The following TSN variants were observed in gnomAD, a reference collection of about 807,000 sequenced individuals.
The protein encoded by TSN is translin.
TSN carries 5 observed loss-of-function variants against 29.4 expected under a neutral mutation model. The observed-to-expected ratio is 0.17, with a 90% CI of 0.09 to 0.36. The LOEUF (loss-of-function observed/expected upper bound fraction) is 0.36. TSN is among the 10% of genes least tolerant of loss of function. The probability of loss-of-function intolerance (pLI) is 1.00; values close to 1 mark genes in which losing one functional copy is unlikely to be tolerated. For missense variants in TSN, 159 were observed against 272.8 expected (o/e 0.58, Z 2.94); for synonymous variants, 106 against 102.2 (o/e 1.04, Z -0.23).
In TSN at chr2:121,766,824, C is replaced by T. The variant is rs1275224871; in HGVS notation, c.*1457C>T. The T allele has an allele frequency of 1.3e-5, 2 of 152,204 alleles. No homozygotes were observed. The highest frequency in any genetic ancestry group is 4.8e-5 in the African/African-American group (2 of 41,460). 9.4% of individuals were successfully genotyped at this position (152,204 alleles called of 1,614,324 possible). On this transcript the variant is annotated 3_prime_UTR_variant, in exon 6 of 6. Coordinates refer to ENST00000389682, the MANE Select transcript of TSN (RefSeq NM_004622.3). ...AAGGGGCCATTTGGCATACCTTTCACAGCTTTTATCAGGCCAAGTTAAAGG... is the reference window on the plus strand; with the variant it reads ...AAGGGGCCATTTGGCATACCTTTCATAGCTTTTATCAGGCCAAGTTAAAGG...
In TSN at chr2:121,760,190, G is replaced by C. The variant is rs994214378; in HGVS notation, c.258-1219G>C. On this transcript the variant is annotated intron_variant, in intron 3 of 5. Transcript: ENST00000389682. ...TCCTGTCAGATTGGTGGCAGCATTCGATTCTCATAGTAGTGCGAACCCTAT... is the reference window on the plus strand; with the variant it reads ...TCCTGTCAGATTGGTGGCAGCATTCCATTCTCATAGTAGTGCGAACCCTAT... 4.6e-5 allele frequency among the ~76,000 whole-genome samples: 7 copies of C among 152,344 alleles called. No individual in the cohort carries two copies. In the East Asian group the frequency reaches 7.7e-4, roughly 17 times the overall value.
At chr2:121,761,993 A>ATTT (rs752583785) in intron 4 of TSN, among the ~76,000 whole-genome samples, 1 of 129,132 alleles carries the variant, frequency 7.7e-6, no homozygotes, top group African/African-American at 2.9e-5. Flanking sequence ...AATTTTTTGT[A>ATTT]TTTTTTTTTT....
chr2:121,762,587 A>C (rs1402787526), intron 4 of TSN, among the ~76,000 whole-genome samples: 4 of 152,260 alleles, frequency 2.6e-5, no homozygotes, highest in South Asian at 4.1e-4. Context: ...AATTGAAAGA[A>C]TAGTACAATG....
intron 3 of TSN, 39 bp downstream of exon 3, chr2:121,758,845 A>T (rs202231312): frequency 7.5e-7 from 1 of 1,341,380 alleles, no homozygotes; most frequent in Non-Finnish European, 1.0e-6. Flanking sequence ...AATGTTAAGT[A>T]AAAAAAAGGA....
chr2:121,756,835 G>T lies in TSN; in HGVS notation c.67-405G>T, dbSNP rs181903288. 152 of 292,798 alleles carry T rather than the reference G, an allele frequency of 5.2e-4. 1 individual carries two copies. In the East Asian group the frequency reaches 0.012, roughly 22 times the overall value. The allele number at this position is 292,798 out of a possible 1,614,324, so 18.1% of individuals were successfully genotyped here. A position where few individuals can be genotyped will look rare whatever the true frequency, so the allele number is the denominator to read the frequency against. ...GAAGCAGGAGAATGGCGTGAACCCG[G>T]GAGGCGGAGGTTGCGGTGAGCTGAG... On this transcript the variant is annotated intron_variant, in intron 1 of 5. Coordinates refer to ENST00000389682, the MANE Select transcript of TSN (RefSeq NM_004622.3).
rs145347252 is a variant in TSN at position 121,760,045 on chromosome 2, G to A, written c.257+1239G>A. Among the ~76,000 whole-genome samples the A allele has an allele frequency of 5.5e-3, 840 of 152,340 alleles. 13 individuals are homozygous for A. The highest frequency in any genetic ancestry group is 0.034 in the South Asian group (166 of 4,830). ...AACCCCCAGGCCATGGACTGGTACTGGTCTGTGGCCTGTTAGGAACTGGGA... is the reference window on the plus strand; with the variant it reads ...AACCCCCAGGCCATGGACTGGTACTAGTCTGTGGCCTGTTAGGAACTGGGA... On this transcript the variant is annotated intron_variant, in intron 3 of 5. Transcript: ENST00000389682.
At chr2:121,756,563 G>C in intron 1 of TSN, 1 of 1,117,924 alleles carries the variant, frequency 8.9e-7, no homozygotes, top group East Asian at 6.3e-5. Context: ...TGGTTCCCCG[G>C]TATTTACACA....
intron 5 of TSN, 84 bp downstream of exon 5, chr2:121,763,168 A>G: frequency 1.0e-6 from 1 of 973,218 alleles, no homozygotes; most frequent in South Asian, 1.7e-5. Context: ...TTTGAGACAG[A>G]GTCCCGCTCT....
chr2:121,756,770 A>G (rs1025216217), intron 1 of TSN: 2 of 439,008 alleles, frequency 4.6e-6, no homozygotes, highest in Non-Finnish European at 7.9e-6. Context: ...TTAACTGGGC[A>G]TGGTTGCGCA....
chr2:121,756,919 A>AAAAAAAG (rs971478571), intron 1 of TSN, among the ~76,000 whole-genome samples: 1 of 151,952 alleles, frequency 6.6e-6, no homozygotes, highest in Non-Finnish European at 1.5e-5. Flanking sequence ...AAAAAAAAAA[A>AAAAAAAG]AAAAAAGAAA....
chr2:121,758,271 C>G (rs181505989), intron 2 of TSN, among the ~76,000 whole-genome samples: 1 of 152,150 alleles, frequency 6.6e-6, no homozygotes, highest in Non-Finnish European at 1.5e-5. Flanking sequence ...TATAATAATG[C>G]ATTTACACGT....
rs1420725311 is a variant in TSN, at chr2:121,766,653, C to G, written c.*1286C>G. On this transcript the variant is annotated 3_prime_UTR_variant, in exon 6 of 6. Transcript: ENST00000389682. ...AAGAGTATGTGCCAGGAAACTCTTG[C>G]TATTGAATTGAGATGATTAAAATGG... is the stretch of plus-strand genomic sequence containing the variant. 1 of 152,170 alleles carries G rather than the reference C, an allele frequency of 6.6e-6. No individual in the cohort carries two copies. The highest frequency in any genetic ancestry group is 1.5e-5 in the Non-Finnish European group (1 of 68,036). The allele number at this position is 152,170 out of a possible 1,614,324, so 9.4% of individuals were successfully genotyped here. A position where few individuals can be genotyped will look rare whatever the true frequency, so the allele number is the denominator to read the frequency against.
intron 3 of TSN, among the ~76,000 whole-genome samples, chr2:121,760,138 C>G (rs1416458261): frequency 6.6e-6 from 1 of 152,206 alleles, no homozygotes; most frequent in Non-Finnish European, 1.5e-5. Flanking sequence ...CGCTTCCCAT[C>G]ACTTGCAGTA....
intron 5 of TSN, 149 bp downstream of exon 5, chr2:121,763,233 C>T (rs2074855847): frequency 1.8e-6 from 1 of 545,140 alleles, no homozygotes; most frequent in Non-Finnish European, 3.0e-6. Flanking sequence ...AGCTCCGCCT[C>T]CCGAGTTCAT....
intron 4 of TSN, among the ~76,000 whole-genome samples, chr2:121,762,282 G>T (rs773398113): frequency 6.6e-6 from 1 of 151,868 alleles, no homozygotes; most frequent in African/African-American, 2.4e-5. Context: ...GTGAGTGACC[G>T]CACTCAGCCA....
rs1353245201 is a variant in TSN, at chr2:121,765,079, G to T, written c.454-55G>T. 4 of 1,534,740 alleles carry T rather than the reference G, an allele frequency of 2.6e-6. No homozygotes were observed. The Admixed American group carries it at 6.8e-5, about 26-fold the overall frequency. ...TTCTGGTTGTGATTCAGAGGAAGAT[G>T]CGCTGAGAAGGAGCCATGTTGTAAC... On this transcript the variant is annotated intron_variant, in intron 5 of 5. Transcript: ENST00000389682.
At position 121,755,670 on chromosome 2, in the gene TSN, G is replaced by C. The variant is rs992628063; in HGVS notation, c.-110G>C. Reference sequence around the variant, plus strand: ...AGCGACGGTCGTGGCGTAAGACCGGGGGGACGCGGCGGTAGCGGCGGCCGT... The same window carrying C: ...AGCGACGGTCGTGGCGTAAGACCGGCGGGACGCGGCGGTAGCGGCGGCCGT... On this transcript the variant is annotated 5_prime_UTR_variant, in exon 1 of 6. Coordinates refer to ENST00000389682, the MANE Select transcript of TSN (RefSeq NM_004622.3). 109 of 1,448,726 alleles carry C rather than the reference G, an allele frequency of 7.5e-5. No individual in the cohort carries two copies. Among genetic ancestry groups the C allele is most frequent in the African/African-American group, 2.1e-4 (15 of 72,048 alleles). The allele number at this position is 1,448,726 out of a possible 1,614,324, so 89.7% of individuals were successfully genotyped here.
At chr2:121,756,205 G>A in intron 1 of TSN, 1 of 301,338 alleles carries the variant, frequency 3.3e-6, no homozygotes, top group East Asian at 7.8e-5. Flanking sequence ...AAACTCTCCT[G>A]TGATTTCCTA....
chr2:121,758,252 C>T (rs997584126), intron 2 of TSN, among the ~76,000 whole-genome samples: 5 of 152,114 alleles, frequency 3.3e-5, no homozygotes, highest in African/African-American at 1.2e-4. Flanking sequence ...TTTTCAGATA[C>T]AAGAATGATA....
Sources: allele counts gnomAD v4.1 joint callset (sites outside exome capture counted in the v4.1 genomes callset), GRCh38; gene constraint gnomAD v4.1.1; transcripts MANE v1.5; gene names NCBI Gene and HGNC (gene_info 2026-07-23, HGNC 2026-07-21).